SPTBN1: variants seen among roughly 807,000 people sequenced by gnomAD.
The protein encoded by SPTBN1 is spectrin beta chain, non-erythrocytic 1.
A neutral mutation model predicts 266.4 loss-of-function variants in SPTBN1; 32 were observed. The observed-to-expected ratio is 0.12, with a 90% CI of 0.09 to 0.16. The LOEUF (loss-of-function observed/expected upper bound fraction) is 0.16, where lower values mean the gene tolerates loss of function less well. SPTBN1 is among the 10% of genes least tolerant of loss of function. The pLI is 1.00. For missense variants in SPTBN1, 2,296 were observed against 3,067.1 expected (o/e 0.75, Z 5.94); for synonymous variants, 1,336 against 1,162.2 (o/e 1.15, Z -3.04).
At chr2:54,514,788 C>T (rs1335845961) in intron 1 of SPTBN1, among the ~76,000 whole-genome samples, 1 of 152,252 alleles carries the variant, frequency 6.6e-6, no homozygotes, top group Non-Finnish European at 1.5e-5. Context: ...GAGATCTGTA[C>T]TAACCAACTC....
intron 1 of SPTBN1, among the ~76,000 whole-genome samples, chr2:54,461,087 C>G (rs566335028): frequency 6.6e-6 from 1 of 152,312 alleles, no homozygotes; most frequent in East Asian, 1.9e-4. Flanking sequence ...GAGCCCACCT[C>G]CATCATCCCA....
intron 30 of SPTBN1, 23 bp from the exon 31 acceptor site, chr2:54,659,131 A>C: frequency 6.2e-7 from 1 of 1,612,958 alleles, no homozygotes; most frequent in Non-Finnish European, 8.5e-7. Context: ...GACTCTACCA[A>C]ACATCACTCT....
In SPTBN1 at chr2:54,646,184, C is replaced by G. The variant is rs375252991; in HGVS notation, c.4585-10C>G. On this transcript the variant is annotated splice_polypyrimidine_tract_variant and intron_variant, in intron 22 of 35. Transcript: ENST00000356805. This position sits in a 1 kb window ranked among gnomAD's most constrained non-coding sequence, Gnocchi z 4.4. ...AGCAAGCCTTTGTGTGTATTTTCCG[C>G]TCCCTCCAGACCCTCCAGAAAGAAA... 2.0e-5 allele frequency: 32 copies of G among 1,598,024 alleles called. No homozygotes were observed. The highest frequency in any genetic ancestry group is 2.6e-5 in the Non-Finnish European group (31 of 1,171,016).
intron 32 of SPTBN1, chr2:54,660,619 A>G: frequency 2.0e-6 from 2 of 985,548 alleles, no homozygotes; most frequent in Non-Finnish European, 2.4e-6. Flanking sequence ...AAAGGGAGTC[A>G]GATATATTCT....
At chr2:54,638,475 T>TA (rs1425785327) in intron 18 of SPTBN1, among the ~76,000 whole-genome samples, 1 of 152,242 alleles carries the variant, frequency 6.6e-6, no homozygotes, top group Non-Finnish European at 1.5e-5. Context: ...CAAAGAGCAG[T>TA]AATGCTGATT....
intron 29 of SPTBN1, among the ~76,000 whole-genome samples, chr2:54,656,689 G>T (rs1227380410): frequency 1.3e-5 from 2 of 152,116 alleles, no homozygotes; most frequent in African/African-American, 4.8e-5. Flanking sequence ...ATGTTATGGG[G>T]GTTTACTAGA....
chr2:54,644,670 A>C, intron 20 of SPTBN1, 84 bp downstream of exon 20: 1 of 1,501,290 alleles, frequency 6.7e-7, no homozygotes, highest in East Asian at 2.3e-5. Context: ...CCACTGCATT[A>C]TCAGGAGTCC....
intron 1 of SPTBN1, among the ~76,000 whole-genome samples, chr2:54,482,219 A>G (rs1326935789): frequency 6.6e-6 from 1 of 152,138 alleles, no homozygotes; most frequent in Non-Finnish European, 1.5e-5. Flanking sequence ...GAGACTTAAA[A>G]AAATGCAGGT....
chr2:54,566,227 C>T (rs1207096060), intron 2 of SPTBN1, among the ~76,000 whole-genome samples: 10 of 139,340 alleles, frequency 7.2e-5, no homozygotes, highest in African/African-American at 2.1e-4. Context: ...GTCACTGTGT[C>T]GCCCAGGCTG....
chr2:54,524,893 C>T (rs1225838976), intron 1 of SPTBN1, among the ~76,000 whole-genome samples: 2 of 152,218 alleles, frequency 1.3e-5, no homozygotes, highest in Non-Finnish European at 2.9e-5. Context: ...TCAGGACCCA[C>T]TCGAGAGGCC....
At chr2:54,650,668 G>GTA (rs1680217972) in intron 26 of SPTBN1, among the ~76,000 whole-genome samples, 1 of 152,158 alleles carries the variant, frequency 6.6e-6, no homozygotes, top group South Asian at 2.1e-4. Context: ...AGTATATTGA[G>GTA]TATCTAAGTT....
At chr2:54,546,955 TG>T (rs1672275492) in intron 2 of SPTBN1, among the ~76,000 whole-genome samples, 1 of 93,998 alleles carries the variant, frequency 1.1e-5, no homozygotes, top group African/African-American at 3.4e-5. Flanking sequence ...TTTTTAATGG[TG>T]GTAAAAAAAA....
Position 54,622,388 on chromosome 2 carries a change from T to A in SPTBN1, c.965T>A (p.Ile322Asn). The A allele has an allele frequency of 6.2e-7, 1 of 1,614,184 alleles. No homozygotes were observed. The highest frequency in any genetic ancestry group is 1.3e-5 in the African/African-American group (1 of 75,042). Residue 322 changes from isoleucine (I) to asparagine (N), a missense_variant, in exon 9 of 36, where the codon ATC (isoleucine) becomes AAC (asparagine). This residue lies in a region of SPTBN1 where 148 missense variants were observed against 203.8 expected (regional missense o/e 0.73). Transcript: ENST00000356805. ...SDLLEWIEQT[I>N]IILNNRKFAN... The stretch of plus-strand genomic sequence containing the variant: ...CTTCTGGAATGGATTGAACAAACCA[T>A]CATCATTCTGAACAATCGCAAATTT...
intron 30 of SPTBN1, among the ~76,000 whole-genome samples, chr2:54,658,860 A>G (rs1428680250): frequency 2.0e-5 from 3 of 152,182 alleles, no homozygotes; most frequent in Non-Finnish European, 2.9e-5. Context: ...TTTTCTCCTC[A>G]GCAGAGTTGA....
At chr2:54,659,459 A>G (rs1376506144) in intron 31 of SPTBN1, among the ~76,000 whole-genome samples, 193 bp downstream of exon 31, 1 of 152,202 alleles carries the variant, frequency 6.6e-6, no homozygotes, top group East Asian at 1.9e-4. Flanking sequence ...CCACAGTCAC[A>G]TAGGTATGTA....
chr2:54,513,025 C>T (rs1011038804), intron 1 of SPTBN1, among the ~76,000 whole-genome samples: 1 of 152,114 alleles, frequency 6.6e-6, no homozygotes, highest in African/African-American at 2.4e-5. Flanking sequence ...AACCCTGGCT[C>T]TACAGAAGAT....
chr2:54,591,291 TG>T lies in SPTBN1; in HGVS notation c.149-7798del, dbSNP rs1458558636. 2.6e-5 allele frequency among the ~76,000 whole-genome samples: 4 copies of T among 152,308 alleles called. No individual in the cohort carries two copies. In the East Asian group the frequency reaches 7.7e-4, roughly 29 times the overall value. Reference sequence around the variant, plus strand: ...GATTTAAATAGTGGGGATATGTTCATGGGATGATTGCTTCCTCCCCTTTTGA... The same window carrying T: ...GATTTAAATAGTGGGGATATGTTCATGGATGATTGCTTCCTCCCCTTTTGA... On this transcript the variant is annotated intron_variant, in intron 2 of 35. Coordinates refer to ENST00000356805, the MANE Select transcript of SPTBN1 (RefSeq NM_003128.3).
intron 2 of SPTBN1, among the ~76,000 whole-genome samples, chr2:54,560,560 A>T (rs180913447): frequency 6.6e-6 from 1 of 152,220 alleles, no homozygotes; most frequent in African/African-American, 2.4e-5. Flanking sequence ...GTTTAAATTT[A>T]AAAAAAATCA....
At chr2:54,609,988 C>A (rs1276249056) in intron 3 of SPTBN1, among the ~76,000 whole-genome samples, 1 of 151,566 alleles carries the variant, frequency 6.6e-6, no homozygotes, top group African/African-American at 2.4e-5. Context: ...TGCCTTAAGT[C>A]CTGGTGCTCA....
Sources: gnomAD v4.1 joint callset for allele counts (sites outside exome capture counted in the v4.1 genomes callset) on GRCh38, gnomAD v4.1.1 for gene constraint, gnomAD v4.1.1 regional missense constraint, Gnocchi (gnomAD v3.1) non-coding constraint, MANE v1.5 for transcripts, NCBI Gene and HGNC (gene_info 2026-07-23, HGNC 2026-07-21) for gene names.